PDSS2: variants seen among roughly 807,000 people sequenced by gnomAD.
PDSS2 encodes decaprenyl diphosphate synthase subunit 2, also known as all trans-polyprenyl-diphosphate synthase PDSS2.
Under a neutral mutation model 44.5 loss-of-function variants are expected in PDSS2, and 31 were observed. That is an observed-to-expected ratio of 0.70 (90% CI 0.52 to 0.94). PDSS2 has a LOEUF of 0.94. Ranked by LOEUF, PDSS2 falls within the 40% of genes least tolerant of loss-of-function variation. The pLI is 0.00. For missense variants in PDSS2, 452 were observed against 482.2 expected, an observed-to-expected ratio of 0.94 and a Z score of 0.59; for synonymous variants, 157 against 180.3, an observed-to-expected ratio of 0.87 and a Z score of 1.03.
chr6:107,367,470 G>A (rs1449282733), intron 1 of PDSS2, among the ~76,000 whole-genome samples: 3 of 152,112 alleles, frequency 2.0e-5, no homozygotes, highest in East Asian at 3.8e-4. Context: ...ATGTTGTACC[G>A]AAAGTTTCAG....
At chr6:107,258,796 G>A (rs1257095839) in intron 3 of PDSS2, among the ~76,000 whole-genome samples, 2 of 151,380 alleles carry the variant, frequency 1.3e-5, no homozygotes, top group Non-Finnish European at 2.9e-5. Flanking sequence ...GTGAGACTCC[G>A]TCTCAGAAAA....
At chr6:107,173,344 C>A (rs190999034) in intron 7 of PDSS2, among the ~76,000 whole-genome samples, 1 of 151,578 alleles carries the variant, frequency 6.6e-6, no homozygotes, top group Non-Finnish European at 1.5e-5. Flanking sequence ...GAGGCCGAGG[C>A]GGGCGGATCA....
At chr6:107,329,066 T>C (rs1777635286) in intron 2 of PDSS2, among the ~76,000 whole-genome samples, 1 of 152,202 alleles carries the variant, frequency 6.6e-6, no homozygotes. Context: ...TGGCTGACTC[T>C]CTATCTTGGA....
intron 3 of PDSS2, among the ~76,000 whole-genome samples, chr6:107,265,710 G>C (rs937129219): frequency 2.0e-5 from 3 of 152,180 alleles, no homozygotes; most frequent in Admixed American, 1.3e-4. Flanking sequence ...GGGAGGCTGA[G>C]GCAGGTGGAT....
chr6:107,372,284 T>TA (rs1318486413), intron 1 of PDSS2, among the ~76,000 whole-genome samples: 2 of 152,116 alleles, frequency 1.3e-5, no homozygotes, highest in Admixed American at 6.5e-5. Context: ...ACCGGTAGTT[T>TA]AAAAAATCAT....
intron 2 of PDSS2, among the ~76,000 whole-genome samples, chr6:107,284,245 T>G (rs1776065513): frequency 6.6e-6 from 1 of 152,088 alleles, no homozygotes; most frequent in Non-Finnish European, 1.5e-5. Context: ...TAATAAATAT[T>G]TACACTTTGT....
intron 3 of PDSS2, among the ~76,000 whole-genome samples, chr6:107,270,569 C>G (rs1775567966): frequency 6.6e-6 from 1 of 152,102 alleles, no homozygotes; most frequent in African/African-American, 2.4e-5. Flanking sequence ...AAATAGAAGA[C>G]TTTTGGTGCT....
At chr6:107,386,966 A>G (rs959935514) in intron 1 of PDSS2, among the ~76,000 whole-genome samples, 3 of 152,236 alleles carry the variant, frequency 2.0e-5, no homozygotes, top group Admixed American at 6.5e-5. Context: ...CAAGAATGTT[A>G]CATCTAAATT....
intron 2 of PDSS2, among the ~76,000 whole-genome samples, chr6:107,306,213 T>G (rs565758924): frequency 6.6e-6 from 1 of 152,302 alleles, no homozygotes; most frequent in East Asian, 1.9e-4. Context: ...CCCACCCAAA[T>G]TCATCTTGAA....
chr6:107,205,406 A>G (rs1431768381), intron 6 of PDSS2, among the ~76,000 whole-genome samples: 1 of 152,224 alleles, frequency 6.6e-6, no homozygotes, highest in Non-Finnish European at 1.5e-5. Flanking sequence ...CTGACCTGCA[A>G]TAGCCCCTGG....
intron 3 of PDSS2, among the ~76,000 whole-genome samples, chr6:107,253,653 C>T (rs954084370): frequency 6.6e-6 from 1 of 152,096 alleles, no homozygotes; most frequent in East Asian, 1.9e-4. Flanking sequence ...CAGCTATATA[C>T]ATTTTTAATT....
At chr6:107,429,243 G>A (rs1781096587) in intron 1 of PDSS2, among the ~76,000 whole-genome samples, 1 of 152,186 alleles carries the variant, frequency 6.6e-6, no homozygotes, top group African/African-American at 2.4e-5. Flanking sequence ...GCTTAGGGTG[G>A]AAAGTGGGGA....
intron 1 of PDSS2, among the ~76,000 whole-genome samples, chr6:107,446,734 T>C (rs564113406): frequency 2.0e-5 from 3 of 152,214 alleles, no homozygotes; most frequent in Admixed American, 2.0e-4. Context: ...CAGATGTTTA[T>C]AAAACCATCA....
chr6:107,344,257 C>G (rs527966812), intron 1 of PDSS2, among the ~76,000 whole-genome samples: 7 of 151,974 alleles, frequency 4.6e-5, no homozygotes, highest in Non-Finnish European at 8.8e-5. Flanking sequence ...GAAAAAAACA[C>G]TCCATGAAAA....
chr6:107,340,435 A>G (rs1325884312), intron 1 of PDSS2, among the ~76,000 whole-genome samples: 1 of 152,192 alleles, frequency 6.6e-6, no homozygotes, highest in Non-Finnish European at 1.5e-5. Flanking sequence ...ACAGCTACTA[A>G]CAAATTTACA....
chr6:107,200,533 A>G (rs141080982), intron 6 of PDSS2, among the ~76,000 whole-genome samples: 237 of 152,328 alleles, frequency 1.6e-3, no homozygotes, highest in African/African-American at 5.5e-3. Context: ...TTCTATGTGC[A>G]TCAGGGTTTA....
chr6:107,459,467 G>C lies in PDSS2; in HGVS notation c.-182C>G, dbSNP rs1884962. ...TTTAACTGCTGCTTTCTGCAGCCCA[G>C]GCTGGGCAAACAACAGTCCCAGCTC... On this transcript the variant is annotated 5_prime_UTR_variant, in exon 1 of 8. Coordinates refer to ENST00000369037, the MANE Select transcript of PDSS2 (RefSeq NM_020381.4). This position sits in a 1 kb window ranked among gnomAD's most constrained non-coding sequence, Gnocchi z 4.3. The C allele has an allele frequency of 3.3e-6, 2 of 613,966 alleles. No individual in the cohort carries two copies. The highest frequency in any genetic ancestry group is 5.8e-6 in the Non-Finnish European group (2 of 346,950). 38.0% of individuals were successfully genotyped at this position (613,966 alleles called of 1,614,324 possible). A position where few individuals can be genotyped will look rare whatever the true frequency, so the allele number is the denominator to read the frequency against.
At chr6:107,344,787 T>C (rs989611844) in intron 1 of PDSS2, among the ~76,000 whole-genome samples, 2 of 152,104 alleles carry the variant, frequency 1.3e-5, no homozygotes, top group African/African-American at 4.8e-5. Flanking sequence ...AAGTATAAAA[T>C]GTCGTGATCA....
At chr6:107,410,548 G>A (rs933182098) in intron 1 of PDSS2, among the ~76,000 whole-genome samples, 13 of 152,086 alleles carry the variant, frequency 8.5e-5, no homozygotes, top group African/African-American at 2.9e-4. Context: ...GAGTGCAGTG[G>A]CACAACCTCA....
Sources: gnomAD v4.1 joint callset for allele counts (sites outside exome capture counted in the v4.1 genomes callset) on GRCh38, gnomAD v4.1.1 for gene constraint, Gnocchi (gnomAD v3.1) non-coding constraint, MANE v1.5 for transcripts, NCBI Gene and HGNC (gene_info 2026-07-23, HGNC 2026-07-21) for gene names.